CAST: variants seen among roughly 807,000 people sequenced by gnomAD.
CAST encodes MIR583 host.
In CAST, 76 loss-of-function variants were observed where a neutral mutation model predicts 119.6. That is an observed-to-expected ratio of 0.64 (90% CI 0.53 to 0.77). The LOEUF (loss-of-function observed/expected upper bound fraction) is 0.77, where lower values mean the gene tolerates loss of function less well. CAST is among the 30% of genes least tolerant of loss of function. The pLI, the probability that CAST is intolerant of heterozygous loss-of-function variation, is 0.00. For synonymous variants in CAST, 319 were observed against 331.6 expected, an observed-to-expected ratio of 0.96 and a Z score of 0.41; for missense variants, 953 against 946.5, an observed-to-expected ratio of 1.01 and a Z score of -0.09.
the CAST span, among the ~76,000 whole-genome samples, chr5:96,171,272 T>C: frequency 6.6e-6 from 1 of 152,172 alleles, no homozygotes; most frequent in Non-Finnish European, 1.5e-5. Context: ...CAAGCGGTGT[T>C]GCAGAAGAAA....
chr5:96,163,424 G>A, the CAST span, among the ~76,000 whole-genome samples: 2 of 152,036 alleles, frequency 1.3e-5, no homozygotes, highest in Non-Finnish European at 2.9e-5. Context: ...AGACATTCAG[G>A]CTGTTTCCAA....
chr5:96,736,715 A>G (rs1761719913), intron 10 of CAST, among the ~76,000 whole-genome samples: 1 of 152,268 alleles, frequency 6.6e-6, no homozygotes, highest in Non-Finnish European at 1.5e-5. Context: ...TTTTCATCTA[A>G]ATCAAATAAT....
chr5:96,616,753 T>TATACACACACACACACAC (rs1167637550), intron 1 of CAST, among the ~76,000 whole-genome samples: 1 of 130,738 alleles, frequency 7.6e-6, no homozygotes, highest in Non-Finnish European at 1.7e-5. Context: ...TCTATATATA[T>TATACACACACACACACAC]ACACACACAC....
the CAST span, among the ~76,000 whole-genome samples, chr5:96,062,428 G>A: frequency 6.6e-6 from 1 of 152,150 alleles, no homozygotes; most frequent in Non-Finnish European, 1.5e-5. Context: ...AGCGATGAAG[G>A]CTTGAAAGTT....
the CAST span, among the ~76,000 whole-genome samples, chr5:96,361,430 T>G: frequency 3.3e-5 from 5 of 151,998 alleles, no homozygotes. Flanking sequence ...GGCTGCCCAG[T>G]TTTGTGCTTG....
At chr5:96,077,587 C>G in the CAST span, among the ~76,000 whole-genome samples, 1 of 152,164 alleles carries the variant, frequency 6.6e-6, no homozygotes, top group African/African-American at 2.4e-5. Context: ...TAGATTAATG[C>G]CCTTCCTGAT....
intron 1 of CAST, among the ~76,000 whole-genome samples, chr5:96,574,186 TA>T (rs1370941377): frequency 3.1e-5 from 1 of 31,908 alleles, no homozygotes; most frequent in African/African-American, 2.2e-4. Context: ...GCCTCCCCAG[TA>T]GCTGGGACTA....
intron 2 of CAST, among the ~76,000 whole-genome samples, chr5:96,683,807 T>G (rs562103966): frequency 1.3e-5 from 2 of 152,230 alleles, no homozygotes; most frequent in Admixed American, 6.5e-5. Context: ...AAGCTACAAT[T>G]AAAACTCCTG....
the CAST span, among the ~76,000 whole-genome samples, chr5:96,090,480 C>G: frequency 6.6e-6 from 1 of 152,072 alleles, no homozygotes; most frequent in Non-Finnish European, 1.5e-5. Flanking sequence ...GTGGCTGTGA[C>G]CATTAGGCCT....
At chr5:96,176,449 G>C in the CAST span, among the ~76,000 whole-genome samples, 2 of 152,160 alleles carry the variant, frequency 1.3e-5, no homozygotes, top group African/African-American at 4.8e-5. Context: ...ACAGACAGAA[G>C]TCCCCACCTT....
At chr5:96,210,318 A>C in the CAST span, 3 of 151,994 alleles carry the variant, frequency 2.0e-5, no homozygotes, top group East Asian at 5.8e-4. Flanking sequence ...TGCAAATTAC[A>C]CTTTAGTCTG....
the CAST span, among the ~76,000 whole-genome samples, chr5:95,993,431 G>A: frequency 1.3e-5 from 2 of 152,134 alleles, no homozygotes; most frequent in Admixed American, 1.3e-4. Flanking sequence ...GGCAATGTCT[G>A]GAGACATTTT....
rs192278974 is a variant in CAST at position 96,708,597 on chromosome 5, C to G, written c.210+12690C>G. ...CCTTGACCCCCTGGGATCAGGTGAT[C>G]CTCCTACCTCAGCCTCCCAAGTAGC... On this transcript the variant is annotated intron_variant, in intron 3 of 31. Transcript: ENST00000675179. Among the ~76,000 whole-genome samples the G allele has an allele frequency of 2.7e-3, 412 of 152,184 alleles. 1 individual carries two copies. The highest frequency in any genetic ancestry group is 9.5e-3 in the African/African-American group (394 of 41,500).
At chr5:96,669,684 T>G (rs1749809017) in intron 1 of CAST, among the ~76,000 whole-genome samples, 3 of 152,184 alleles carry the variant, frequency 2.0e-5, no homozygotes, top group African/African-American at 7.2e-5. Context: ...TAGGGCACTG[T>G]GCTGCTTCAC....
chr5:96,654,191 A>G (rs1748128301), intron 1 of CAST, among the ~76,000 whole-genome samples: 1 of 150,926 alleles, frequency 6.6e-6, no homozygotes, highest in African/African-American at 2.4e-5. Context: ...GCCTGGCTAA[A>G]TTTTTTTGTA....
chr5:96,525,003 C>T (rs931902998), upstream of CAST, among the ~76,000 whole-genome samples: 1 of 152,194 alleles, frequency 6.6e-6, no homozygotes, highest in Non-Finnish European at 1.5e-5. Flanking sequence ...TGTCTTCACT[C>T]CTCATCTTGC....
chr5:96,198,147 C>T, the CAST span, among the ~76,000 whole-genome samples: 3 of 152,128 alleles, frequency 2.0e-5, no homozygotes, highest in Non-Finnish European at 2.9e-5. Context: ...GTAGAGAAGG[C>T]GGCCTTTGCA....
At chr5:96,142,428 G>A in the CAST span, among the ~76,000 whole-genome samples, 2 of 152,110 alleles carry the variant, frequency 1.3e-5, no homozygotes, top group African/African-American at 4.8e-5. Flanking sequence ...AAATTTTTGA[G>A]TTGTGCACTT....
chr5:96,266,356 C>T, the CAST span, among the ~76,000 whole-genome samples: 1 of 152,146 alleles, frequency 6.6e-6, no homozygotes, highest in Non-Finnish European at 1.5e-5. Context: ...GGAGAACTTT[C>T]CCTGCTTGAA....
Sources: allele counts gnomAD v4.1 joint callset (sites outside exome capture counted in the v4.1 genomes callset), GRCh38; gene constraint gnomAD v4.1.1; transcripts MANE v1.5; gene names NCBI Gene and HGNC (gene_info 2026-07-23, HGNC 2026-07-21).